ALMS1: variants seen among roughly 807,000 people sequenced by gnomAD.
The protein encoded by ALMS1 is ALMS1 centrosome and basal body associated protein.
In ALMS1, 271 loss-of-function variants were observed where a neutral mutation model predicts 352.2. The ratio of observed to expected loss-of-function variants is 0.77; its 90% CI spans 0.70 to 0.85. The LOEUF is 0.85. Ranked by LOEUF, ALMS1 falls within the 40% of genes least tolerant of loss-of-function variation. The probability of loss-of-function intolerance (pLI) is 0.00; values close to 1 mark genes in which losing one functional copy is unlikely to be tolerated. For synonymous variants in ALMS1, 1,865 were observed against 1,761.2 expected (o/e 1.06, Z -1.48); for missense variants, 5,445 against 4,870.7 (o/e 1.12, Z -3.51).
chr2:73,608,436 C>G (rs763615152), intron 21 of ALMS1, 39 bp from the exon 22 acceptor site: 1 of 1,539,256 alleles, frequency 6.5e-7, no homozygotes, highest in Non-Finnish European at 9.0e-7. Context: ...CCCTGGTAAC[C>G]TCCCCGATTT....
At chr2:73,553,319 CATG>C (rs920701290) in intron 13 of ALMS1, among the ~76,000 whole-genome samples, 2 of 151,992 alleles carry the variant, frequency 1.3e-5, no homozygotes, top group African/African-American at 2.4e-5. Context: ...AGAAAGAAAA[CATG>C]GTGGGATTGA....
Position 73,600,727 on chromosome 2 carries a change from G to T in ALMS1, c.11718G>T (p.Gly3906=). The T allele has an allele frequency of 6.2e-7, 1 of 1,614,150 alleles. No individual in the cohort carries two copies. Among genetic ancestry groups the T allele is most frequent in the Non-Finnish European group, 8.5e-7 (1 of 1,180,030 alleles). ...CCAAAAAACACACTCGAGATGTTGG[G>T]ATAACTTTCCCAACTCCAAGTTCCA... The part of the protein sequence containing the change: ...NGAKKHTRDV[G]ITFPTPSSSE... The change falls in exon 18 of 23, where the codon GGG becomes GGT. Residue 3906 remains glycine (G), a synonymous_variant. Transcript: ENST00000613296.
chr2:73,391,860 G>C (rs1670653796), intron 1 of ALMS1, among the ~76,000 whole-genome samples: 1 of 151,996 alleles, frequency 6.6e-6, no homozygotes, highest in Admixed American at 6.6e-5. Flanking sequence ...TTTCTTTCTT[G>C]TATGTTTGAA....
intron 15 of ALMS1, 46 bp downstream of exon 15, chr2:73,559,188 T>C (rs1241603816): frequency 3.1e-6 from 5 of 1,589,708 alleles, no homozygotes; most frequent in Non-Finnish European, 4.3e-6. Flanking sequence ...TTTGTGTGTA[T>C]GTGAGGGTCA....
chr2:73,593,704 C>CA (rs1476920336), intron 16 of ALMS1, among the ~76,000 whole-genome samples: 1 of 152,102 alleles, frequency 6.6e-6, no homozygotes, highest in Admixed American at 6.6e-5. Context: ...AAACACCCTC[C>CA]AAAAAAATCC....
intron 15 of ALMS1, among the ~76,000 whole-genome samples, chr2:73,568,997 T>TC (rs1436919942): frequency 2.4e-4 from 9 of 37,126 alleles, no homozygotes; most frequent in African/African-American, 5.5e-4. Context: ...TTCTGCTTCT[T>TC]TTTTTTTTTT....
At chr2:73,388,418 G>A (rs11126400) in intron 1 of ALMS1, among the ~76,000 whole-genome samples, 1 of 152,126 alleles carries the variant, frequency 6.6e-6, no homozygotes, top group South Asian at 2.1e-4. Flanking sequence ...GTACTTGATA[G>A]GTAATTTTTC....
intron 7 of ALMS1, 61 bp downstream of exon 7, chr2:73,432,352 T>C (rs993181191): frequency 8.3e-7 from 1 of 1,199,846 alleles, no homozygotes; most frequent in Non-Finnish European, 1.2e-6. Flanking sequence ...AAAAATATCT[T>C]GTTAGGTCTA....
At chr2:73,485,063 C>T (rs1173829398) in intron 9 of ALMS1, among the ~76,000 whole-genome samples, 17 of 152,202 alleles carry the variant, frequency 1.1e-4, no homozygotes, top group Admixed American at 2.6e-4. Context: ...CTGAAGCCTT[C>T]TTCTCTCAGC....
chr2:73,539,098 C>T (rs1376615337), intron 12 of ALMS1, among the ~76,000 whole-genome samples: 1 of 152,172 alleles, frequency 6.6e-6, no homozygotes, highest in Non-Finnish European at 1.5e-5. Flanking sequence ...CAAGTGGGAC[C>T]CTGACCCCTG....
chr2:73,390,583 G>A (rs895542591), intron 1 of ALMS1, among the ~76,000 whole-genome samples: 4 of 152,158 alleles, frequency 2.6e-5, no homozygotes, highest in African/African-American at 9.7e-5. Flanking sequence ...TAAGAGGGAA[G>A]TGAGTGATTC....
chr2:73,401,345 C>A (rs1212102354), intron 1 of ALMS1, among the ~76,000 whole-genome samples: 1 of 151,652 alleles, frequency 6.6e-6, no homozygotes, highest in Non-Finnish European at 1.5e-5. Flanking sequence ...GATTTTTTTC[C>A]TAATATATAC....
intron 6 of ALMS1, among the ~76,000 whole-genome samples, chr2:73,429,406 C>T (rs1489034437): frequency 6.6e-6 from 1 of 151,658 alleles, no homozygotes; most frequent in Non-Finnish European, 1.5e-5. Flanking sequence ...TGCAGCGTCC[C>T]AAGTAGCTGG....
intron 10 of ALMS1, among the ~76,000 whole-genome samples, chr2:73,518,133 G>T (rs1312392122): frequency 6.8e-6 from 1 of 147,904 alleles, no homozygotes; most frequent in African/African-American, 2.5e-5. Context: ...CCACCCTCAA[G>T]TAGGCCCCAG....
chr2:73,608,961 T>A (rs1675882515), intron 22 of ALMS1, among the ~76,000 whole-genome samples: 1 of 152,222 alleles, frequency 6.6e-6, no homozygotes, highest in Non-Finnish European at 1.5e-5. Flanking sequence ...GGAAAATGTG[T>A]AACTGCGGCA....
At chr2:73,411,389 G>A (rs1042415672) in intron 2 of ALMS1, among the ~76,000 whole-genome samples, 9 of 152,066 alleles carry the variant, frequency 5.9e-5, no homozygotes, top group African/African-American at 4.8e-5. Flanking sequence ...CCAGAACTGC[G>A]AGATAATAAA....
chr2:73,423,142 G>T (rs991276481), intron 4 of ALMS1, among the ~76,000 whole-genome samples, 168 bp downstream of exon 4: 1 of 152,146 alleles, frequency 6.6e-6, no homozygotes, highest in Non-Finnish European at 1.5e-5. Flanking sequence ...TATTAATTTG[G>T]CAGAGTAACG....
At chr2:73,608,092 A>G (rs921878446) in intron 21 of ALMS1, among the ~76,000 whole-genome samples, 2 of 152,126 alleles carry the variant, frequency 1.3e-5, no homozygotes, top group Admixed American at 6.5e-5. Flanking sequence ...GTACTTTTCC[A>G]TAATTTCACT....
chr2:73,467,351 C>T (rs1055884354), intron 9 of ALMS1, among the ~76,000 whole-genome samples: 1 of 152,024 alleles, frequency 6.6e-6, no homozygotes, highest in Non-Finnish European at 1.5e-5. Context: ...GGACAGTAAG[C>T]ATTTGAAAAC....
Sources: allele counts gnomAD v4.1 joint callset (sites outside exome capture counted in the v4.1 genomes callset), GRCh38; gene constraint gnomAD v4.1.1; transcripts MANE v1.5; gene names NCBI Gene and HGNC (gene_info 2026-07-23, HGNC 2026-07-21).